The following FHIT variants were observed in gnomAD, a reference collection of about 807,000 sequenced individuals.
FHIT encodes bis(5'-adenosyl)-triphosphatase.
FHIT carries 19 observed loss-of-function variants against 17.9 expected under a neutral mutation model. The observed-to-expected ratio is 1.06, with a 90% confidence interval of 0.74 to 1.56. The LOEUF (loss-of-function observed/expected upper bound fraction) is 1.56. FHIT is among the 40% of genes most tolerant of loss of function. FHIT has a pLI of 0.00. For synonymous variants in FHIT, 81 were observed against 69.7 expected (o/e 1.16, Z -0.81); for missense variants, 248 against 189.2 (o/e 1.31, Z -1.82).
chr3:60,963,853 A>G (rs781844006), intron 3 of FHIT, among the ~76,000 whole-genome samples: 2 of 152,152 alleles, frequency 1.3e-5, no homozygotes, highest in Non-Finnish European at 2.9e-5. Flanking sequence ...ACTTCCGACT[A>G]TGTGGTCAGT....
intron 8 of FHIT, among the ~76,000 whole-genome samples, chr3:59,791,510 A>T (rs565766828): frequency 6.6e-6 from 1 of 152,284 alleles, no homozygotes; most frequent in South Asian, 2.1e-4. Context: ...ATACTATTAG[A>T]CTTTTCAGTT....
At chr3:59,852,035 C>A (rs1338359502) in intron 8 of FHIT, among the ~76,000 whole-genome samples, 3 of 152,118 alleles carry the variant, frequency 2.0e-5, no homozygotes, top group Non-Finnish European at 4.4e-5. Flanking sequence ...TTAGTTCTTC[C>A]TGGATATTTT....
chr3:60,844,168 T>C (rs1357776723), intron 3 of FHIT, among the ~76,000 whole-genome samples: 2 of 152,176 alleles, frequency 1.3e-5, no homozygotes, highest in Non-Finnish European at 2.9e-5. Context: ...TAGAATCTTA[T>C]TCACCCATTC....
chr3:60,636,626 C>T (rs184526517), intron 4 of FHIT, among the ~76,000 whole-genome samples: 20 of 152,238 alleles, frequency 1.3e-4, no homozygotes, highest in Non-Finnish European at 2.1e-4. Flanking sequence ...GGCTTTCCCC[C>T]GCTATGAAGT....
intron 5 of FHIT, among the ~76,000 whole-genome samples, chr3:60,063,068 A>G (rs1425857696): frequency 6.6e-6 from 1 of 152,216 alleles, no homozygotes. Context: ...TTACAGATAC[A>G]TGCAAACAAA....
chr3:61,179,277 G>A (rs1444329628), intron 2 of FHIT, among the ~76,000 whole-genome samples: 1 of 151,572 alleles, frequency 6.6e-6, no homozygotes, highest in Non-Finnish European at 1.5e-5. Flanking sequence ...CGAAGTGCTG[G>A]GATTACAGGC....
intron 5 of FHIT, among the ~76,000 whole-genome samples, chr3:60,512,811 T>A (rs2035000753): frequency 6.6e-6 from 1 of 152,212 alleles, no homozygotes; most frequent in Non-Finnish European, 1.5e-5. Context: ...TGGCTTGGAA[T>A]CTTCAAATAA....
chr3:60,069,220 T>C (rs903713800), intron 5 of FHIT, among the ~76,000 whole-genome samples: 12 of 152,166 alleles, frequency 7.9e-5, no homozygotes, highest in African/African-American at 2.4e-4. Flanking sequence ...AACGAGGAAG[T>C]AGAGAAATTT....
At chr3:61,107,257 A>G (rs548943470) in intron 2 of FHIT, among the ~76,000 whole-genome samples, 1 of 152,298 alleles carries the variant, frequency 6.6e-6, no homozygotes, top group East Asian at 1.9e-4. Context: ...TATTTCACTT[A>G]GTATAATGTC....
intron 8 of FHIT, among the ~76,000 whole-genome samples, chr3:59,871,190 C>T (rs1702906506): frequency 6.6e-6 from 1 of 152,080 alleles, no homozygotes; most frequent in African/African-American, 2.4e-5. Flanking sequence ...AATACTATGC[C>T]TATAGTGGCA....
At chr3:60,819,867 T>C (rs1701865923) in intron 4 of FHIT, among the ~76,000 whole-genome samples, 1 of 152,140 alleles carries the variant, frequency 6.6e-6, no homozygotes, top group African/African-American at 2.4e-5. Context: ...CTCTTTACTA[T>C]TAGGAGAGAA....
chr3:59,963,175 C>A (rs1964583), intron 7 of FHIT, among the ~76,000 whole-genome samples: 25 of 152,064 alleles, frequency 1.6e-4, no homozygotes, highest in Non-Finnish European at 5.9e-5. Context: ...GCTGAGGCAG[C>A]AGAATGGCGT....
At chr3:60,710,906 C>A (rs2041509800) in intron 4 of FHIT, among the ~76,000 whole-genome samples, 1 of 152,208 alleles carries the variant, frequency 6.6e-6, no homozygotes. Flanking sequence ...TGACTGACAG[C>A]TTTGAGGAGA....
At chr3:60,866,220 C>A (rs1704154187) in intron 3 of FHIT, among the ~76,000 whole-genome samples, 1 of 152,142 alleles carries the variant, frequency 6.6e-6, no homozygotes, top group Non-Finnish European at 1.5e-5. Flanking sequence ...TGCTACCCAG[C>A]CCCTAAAGTT....
At chr3:60,108,245 C>A (rs1430089601) in intron 5 of FHIT, among the ~76,000 whole-genome samples, 1 of 152,146 alleles carries the variant, frequency 6.6e-6, no homozygotes, top group African/African-American at 2.4e-5. Context: ...GGGAGTTCCT[C>A]TGAATTGACT....
At chr3:60,867,601 A>G (rs1553754130) in intron 3 of FHIT, among the ~76,000 whole-genome samples, 10 of 152,218 alleles carry the variant, frequency 6.6e-5, no homozygotes. Context: ...ACTCCTGCAC[A>G]TCTCAGCCTC....
chr3:60,654,293 G>C (rs1252649221), intron 4 of FHIT, among the ~76,000 whole-genome samples: 1 of 152,062 alleles, frequency 6.6e-6, no homozygotes, highest in Admixed American at 6.6e-5. Context: ...CCTTTCTTAG[G>C]AAGTTAATAG....
At position 60,526,567 on chromosome 3, in the gene FHIT, AG is replaced by A. The variant is rs1478458945; in HGVS notation, c.103+10292del. Among the ~76,000 whole-genome samples, 3 of 152,112 alleles carry A rather than the reference AG, an allele frequency of 2.0e-5. No homozygotes were observed. In the East Asian group the frequency reaches 5.8e-4, roughly 29 times the overall value. ...AAAAGTTGTTCTCATCTTTTTTCCCAGGAACACTACTCCTCTTCAGTGACTT... is the reference window on the plus strand; with the variant it reads ...AAAAGTTGTTCTCATCTTTTTTCCCAGAACACTACTCCTCTTCAGTGACTT... On this transcript the variant is annotated intron_variant, in intron 5 of 9. Transcript: ENST00000492590.
intron 3 of FHIT, among the ~76,000 whole-genome samples, chr3:60,981,914 T>C (rs1036434728): frequency 5.3e-5 from 8 of 152,134 alleles, no homozygotes; most frequent in African/African-American, 9.7e-5. Context: ...CCACTTCTAA[T>C]CCATAAGAAA....
Sources: gnomAD v4.1 joint callset for allele counts (sites outside exome capture counted in the v4.1 genomes callset) on GRCh38, gnomAD v4.1.1 for gene constraint, MANE v1.5 for transcripts, NCBI Gene and HGNC (gene_info 2026-07-23, HGNC 2026-07-21) for gene names.